THEMIS: variants seen among roughly 807,000 people sequenced by gnomAD.
The protein encoded by THEMIS is thymocyte selection associated, also known as protein THEMIS.
Under a neutral mutation model 52.6 loss-of-function variants are expected in THEMIS, and 37 were observed. The observed-to-expected ratio is 0.70, with a 90% CI of 0.54 to 0.93. THEMIS has a LOEUF of 0.93. Ranked by LOEUF, THEMIS falls within the 40% of genes least tolerant of loss-of-function variation. The pLI is 0.00. For synonymous variants in THEMIS, 292 were observed against 272.7 expected (o/e 1.07, Z -0.70); for missense variants, 808 against 763.1 (o/e 1.06, Z -0.69).
At chr6:127,917,431 A>C (rs1478410122) in intron 1 of THEMIS, among the ~76,000 whole-genome samples, 2 of 152,236 alleles carry the variant, frequency 1.3e-5, no homozygotes, top group African/African-American at 4.8e-5. Flanking sequence ...GGATGCTGAA[A>C]ACAGGACAGG....
chr6:127,851,280 C>T (rs1445641367), intron 2 of THEMIS, among the ~76,000 whole-genome samples: 1 of 151,340 alleles, frequency 6.6e-6, no homozygotes, highest in Non-Finnish European at 1.5e-5. Flanking sequence ...AAACAATCTA[C>T]ACATTCAAGA....
At chr6:127,751,009 A>G (rs892947694) in intron 4 of THEMIS, among the ~76,000 whole-genome samples, 1 of 151,836 alleles carries the variant, frequency 6.6e-6, no homozygotes. Context: ...AATTAGCAAC[A>G]TGAAAATATG....
chr6:127,888,653 A>AG (rs111384379), intron 1 of THEMIS, among the ~76,000 whole-genome samples: 2,118 of 152,244 alleles, frequency 0.014, 46 homozygotes, highest in African/African-American at 0.048. Flanking sequence ...GCAAAAAAAA[A>AG]TTAATATCCA....
chr6:127,777,259 T>A (rs183617134), intron 4 of THEMIS, among the ~76,000 whole-genome samples: 7 of 152,224 alleles, frequency 4.6e-5, no homozygotes, highest in Middle Eastern at 3.4e-3. Flanking sequence ...TTGCAAATAT[T>A]TTCAGATTTT....
At chr6:127,759,329 A>T (rs1775937188) in intron 4 of THEMIS, among the ~76,000 whole-genome samples, 1 of 152,200 alleles carries the variant, frequency 6.6e-6, no homozygotes. Flanking sequence ...ATGTAGGCTG[A>T]TGACACCAAA....
At chr6:127,898,494 A>G (rs1459906899) in intron 1 of THEMIS, among the ~76,000 whole-genome samples, 1 of 151,818 alleles carries the variant, frequency 6.6e-6, no homozygotes, top group Non-Finnish European at 1.5e-5. Context: ...AAGATAAAAA[A>G]TAATGGATGT....
chr6:127,870,604 C>T (rs538516352), intron 1 of THEMIS, among the ~76,000 whole-genome samples: 3 of 151,980 alleles, frequency 2.0e-5, no homozygotes, highest in Non-Finnish European at 4.4e-5. Flanking sequence ...TGACTCACTT[C>T]AAATGAAATA....
chr6:127,760,909 A>G (rs1776000034), intron 4 of THEMIS, among the ~76,000 whole-genome samples: 1 of 152,182 alleles, frequency 6.6e-6, no homozygotes, highest in Non-Finnish European at 1.5e-5. Context: ...CATGTATATG[A>G]CACCAAAAGT....
intron 4 of THEMIS, among the ~76,000 whole-genome samples, chr6:127,807,946 T>C (rs963810915): frequency 1.1e-4 from 16 of 152,318 alleles, no homozygotes; most frequent in Admixed American, 1.0e-3. Flanking sequence ...CAGGAACCAT[T>C]GCTTTCCTTC....
chr6:127,730,094 C>A (rs1199441696), intron 4 of THEMIS, among the ~76,000 whole-genome samples: 2 of 151,682 alleles, frequency 1.3e-5, no homozygotes, highest in East Asian at 1.9e-4. Context: ...ATATAGTGAG[C>A]CCCTGTTTCT....
chr6:127,818,413 A>G (rs1167473066), intron 3 of THEMIS, among the ~76,000 whole-genome samples: 3 of 152,200 alleles, frequency 2.0e-5, no homozygotes, highest in African/African-American at 4.8e-5. Flanking sequence ...TCTAGAGACT[A>G]AAGTCAACAG....
rs576587274 is a variant in THEMIS at position 127,808,034 on chromosome 6, T to C, written c.1758+4849A>G. Among the ~76,000 whole-genome samples the C allele has an allele frequency of 7.7e-4, 117 of 152,286 alleles. 1 individual carries two copies. The highest frequency in any genetic ancestry group is 2.3e-3 in the African/African-American group (96 of 41,562). On this transcript the variant is annotated intron_variant, in intron 4 of 5. Coordinates refer to ENST00000368248, the MANE Select transcript of THEMIS (RefSeq NM_001010923.3). ...TTCACAGTACCTTGCCATTACTGCC[T>C]CCCTTGCTCTTTGCCTTAATGTCTC...
intron 1 of THEMIS, among the ~76,000 whole-genome samples, chr6:127,867,965 C>T (rs150786919): frequency 1.1e-3 from 167 of 151,968 alleles, no homozygotes; most frequent in African/African-American, 3.8e-3. Context: ...TTCATTCATT[C>T]CTAGGCATTT....
the THEMIS span, among the ~76,000 whole-genome samples, chr6:127,701,238 A>C: frequency 6.6e-6 from 1 of 152,218 alleles, no homozygotes; most frequent in South Asian, 2.1e-4. Context: ...TAATATTTAT[A>C]TAAACAGAAT....
intron 4 of THEMIS, among the ~76,000 whole-genome samples, chr6:127,785,220 TTATC>T (rs71028106): frequency 0.047 from 4,387 of 93,814 alleles, 162 homozygotes; most frequent in African/African-American, 0.093. Context: ...ATTATCTATC[TTATC>T]TATCTATCTA....
chr6:127,891,324 A>G (rs1202405451), intron 1 of THEMIS, among the ~76,000 whole-genome samples: 2 of 152,084 alleles, frequency 1.3e-5, no homozygotes, highest in Non-Finnish European at 2.9e-5. Context: ...TGAGGTCAGG[A>G]GTTCAAGACC....
intron 3 of THEMIS, 146 bp from the exon 4 acceptor site, chr6:127,814,077 C>G: frequency 1.3e-6 from 1 of 742,374 alleles, no homozygotes; most frequent in East Asian, 3.0e-5. Context: ...TGTGATTTTC[C>G]TTTTTTCAAA....
intron 2 of THEMIS, among the ~76,000 whole-genome samples, chr6:127,848,494 C>G (rs571538949): frequency 6.6e-6 from 1 of 151,906 alleles, no homozygotes. Flanking sequence ...CCTGAAGAAT[C>G]GCCACACTGT....
chr6:127,880,082 A>G (rs1446570575), intron 1 of THEMIS, among the ~76,000 whole-genome samples: 1 of 152,174 alleles, frequency 6.6e-6, no homozygotes, highest in East Asian at 1.9e-4. Context: ...CTCTAATTAT[A>G]TTATGTATCT....
Sources: allele counts gnomAD v4.1 joint callset (sites outside exome capture counted in the v4.1 genomes callset), GRCh38; gene constraint gnomAD v4.1.1; transcripts MANE v1.5; gene names NCBI Gene and HGNC (gene_info 2026-07-23, HGNC 2026-07-21).